Variants in DCHS2 observed in about 807,000 individuals in gnomAD.
DCHS2 encodes the protein dachsous cadherin-related 2.
Under a neutral mutation model 182.4 loss-of-function variants are expected in DCHS2, and 142 were observed. The ratio of observed to expected loss-of-function variants is 0.78; its 90% CI spans 0.68 to 0.89. The LOEUF is 0.89. Ranked by LOEUF, DCHS2 falls within the 40% of genes least tolerant of loss-of-function variation. The pLI is 0.00. For synonymous variants in DCHS2, 1,740 were observed against 1,663.3 expected, an observed-to-expected ratio of 1.05 and a Z score of -1.12; for missense variants, 4,319 against 4,198.6, an observed-to-expected ratio of 1.03 and a Z score of -0.79.
chr4:154,451,492 TGA>T (rs1216981120), intron 1 of DCHS2, among the ~76,000 whole-genome samples: 3 of 152,172 alleles, frequency 2.0e-5, no homozygotes, highest in Non-Finnish European at 2.9e-5. Context: ...GTAAGTTACA[TGA>T]GGAAGTGGCC....
At chr4:154,467,002 A>G (rs992310391) in intron 1 of DCHS2, among the ~76,000 whole-genome samples, 14 of 152,218 alleles carry the variant, frequency 9.2e-5, no homozygotes, top group Admixed American at 2.6e-4. Context: ...CTTTCTCAGC[A>G]TCTGGTACAG....
intron 1 of DCHS2, among the ~76,000 whole-genome samples, chr4:154,450,804 A>G (rs1421401789): frequency 1.3e-5 from 2 of 152,136 alleles, no homozygotes; most frequent in African/African-American, 4.8e-5. Context: ...CCTGGGCAAC[A>G]AGAGTGAAAC....
rs1728706536 is a variant in DCHS2, at chr4:154,489,418, G to A, written c.1938C>T (p.Thr646=). 1 of 1,551,672 alleles carries A rather than the reference G, an allele frequency of 6.4e-7. No individual in the cohort carries two copies. The highest frequency in any genetic ancestry group is 2.0e-5 in the Admixed American group (1 of 50,994). ...QDLGEPPLSA[T]CLVSITVDDV... ...CATCTACGGTGATGCTCACCAGGCA[G>A]GTGGCAGAGAGTGGGGGCTCTCCGA... The change falls in exon 1 of 20, where the codon ACC becomes ACT. Residue 646 remains threonine (T), a synonymous_variant. Transcript: ENST00000357232.
chr4:154,302,935 A>G (rs1298235313), intron 12 of DCHS2, among the ~76,000 whole-genome samples: 4 of 38,282 alleles, frequency 1.0e-4, no homozygotes, highest in Admixed American at 3.6e-4. Flanking sequence ...AGATATACGT[A>G]TACACACACA....
intron 3 of DCHS2, chr4:154,357,098 A>C (rs1435210851): frequency 3.8e-5 from 24 of 637,962 alleles, no homozygotes; most frequent in Non-Finnish European, 6.2e-5. Flanking sequence ...AAAATAATCT[A>C]ACATCAACGA....
At chr4:154,463,332 C>T (rs1029107062) in intron 1 of DCHS2, among the ~76,000 whole-genome samples, 1 of 151,628 alleles carries the variant, frequency 6.6e-6, no homozygotes, top group African/African-American at 2.4e-5. Flanking sequence ...AGGCTTTTTT[C>T]CCCCAATATA....
intron 3 of DCHS2, among the ~76,000 whole-genome samples, chr4:154,337,184 A>G (rs1346282074): frequency 6.6e-6 from 1 of 152,212 alleles, no homozygotes; most frequent in East Asian, 1.9e-4. Flanking sequence ...TGATTGATTG[A>G]AAAATAAAAC....
At chr4:154,282,140 AC>A (rs1734175826) in intron 13 of DCHS2, among the ~76,000 whole-genome samples, 1 of 152,128 alleles carries the variant, frequency 6.6e-6, no homozygotes. Flanking sequence ...TGGATATAAG[AC>A]CAAAAGCATA....
At chr4:154,304,507 T>A (rs1315786090) in intron 12 of DCHS2, among the ~76,000 whole-genome samples, 162 bp downstream of exon 12, 3 of 151,994 alleles carry the variant, frequency 2.0e-5, no homozygotes, top group Non-Finnish European at 4.4e-5. Context: ...AATTTTAATT[T>A]AAAAATACTT....
chr4:154,377,691 G>A (rs1383881806), intron 1 of DCHS2, among the ~76,000 whole-genome samples: 1 of 152,006 alleles, frequency 6.6e-6, no homozygotes, highest in Non-Finnish European at 1.5e-5. Context: ...GATGATCTCT[G>A]AAAGTTTGAG....
rs1215106650 is a variant in DCHS2, at chr4:154,424,225, A to G, written c.2053-46781T>C. ...GAAAATCAAAGAATTCAAGAAAAAGAAAAAGTAAATCAGATCCTAAACTAC... is the reference window on the plus strand; with the variant it reads ...GAAAATCAAAGAATTCAAGAAAAAGGAAAAGTAAATCAGATCCTAAACTAC... On this transcript the variant is annotated intron_variant, in intron 1 of 19. Coordinates refer to ENST00000357232, the MANE Select transcript of DCHS2 (RefSeq NM_001358235.2). 2.6e-5 allele frequency among the ~76,000 whole-genome samples: 4 copies of G among 152,230 alleles called. No homozygotes were observed. In the East Asian group the frequency reaches 7.7e-4, roughly 29 times the overall value.
At position 154,466,265 on chromosome 4, in the gene DCHS2, G is replaced by T. The variant is rs554585796; in HGVS notation, c.2052+23039C>A. Among the ~76,000 whole-genome samples the T allele has an allele frequency of 6.6e-5, 10 of 152,142 alleles. 1 individual carries two copies. Among genetic ancestry groups the T allele is most frequent in the Admixed American group, 3.9e-4 (6 of 15,270 alleles). ...ATTCTTACAATTACCCAGTTTAGAG[G>T]CTGAGAGAAGACAGAAGACTCCTGG... On this transcript the variant is annotated intron_variant, in intron 1 of 19. Transcript: ENST00000357232.
Position 154,491,586 on chromosome 4 carries a change from G to A in DCHS2, c.-231C>T. 7.4e-7 allele frequency: 1 copy of A among 1,342,854 alleles called. No individual in the cohort carries two copies. Among genetic ancestry groups the A allele is most frequent in the Non-Finnish European group, 9.5e-7 (1 of 1,054,292 alleles). The allele number at this position is 1,342,854 out of a possible 1,614,324, so 83.2% of individuals were successfully genotyped here. On this transcript the variant is annotated 5_prime_UTR_variant, in exon 1 of 20. Coordinates refer to ENST00000357232, the MANE Select transcript of DCHS2 (RefSeq NM_001358235.2). Reference sequence around the variant, plus strand: ...AGCTCTAGCTGCCTCTGCCGCGGCAGCCACCTCTTCTGCCCCTGGATTTCT... The same window carrying A: ...AGCTCTAGCTGCCTCTGCCGCGGCAACCACCTCTTCTGCCCCTGGATTTCT...
chr4:154,424,350 G>A (rs904465772), intron 1 of DCHS2, among the ~76,000 whole-genome samples: 1 of 152,174 alleles, frequency 6.6e-6, no homozygotes, highest in Non-Finnish European at 1.5e-5. Flanking sequence ...AAGCAAATGT[G>A]TGTACTCTCT....
chr4:154,365,080 C>T (rs1031647536), intron 3 of DCHS2, among the ~76,000 whole-genome samples: 1 of 151,944 alleles, frequency 6.6e-6, no homozygotes, highest in African/African-American at 2.4e-5. Flanking sequence ...TGGAAGGTAA[C>T]TTCTTAAATA....
chr4:154,457,618 T>C (rs185177719), intron 1 of DCHS2, among the ~76,000 whole-genome samples: 103 of 152,308 alleles, frequency 6.8e-4, no homozygotes, highest in Non-Finnish European at 1.1e-3. Flanking sequence ...AGCAGTAGTG[T>C]TGACGATTTT....
chr4:154,300,454 G>A (rs554207819), intron 12 of DCHS2, among the ~76,000 whole-genome samples: 7 of 145,610 alleles, frequency 4.8e-5, no homozygotes, highest in Non-Finnish European at 1.0e-4. Context: ...CGGGAGGATT[G>A]CTTGAGTCCA....
chr4:154,321,056 T>C lies in DCHS2; in HGVS notation c.4343A>G (p.Lys1448Arg). Residue 1448 changes from lysine to arginine, a missense_variant, in exon 9 of 20, where the codon AAG becomes AGG. Physicochemically the swap from Lys to Arg is conservative, Grantham distance 26. Transcript: ENST00000357232. ...KLHFSIVADD[K>R]DGHFEIDSST... ...GCTGTCTATTTCAAAGTGTCCATCC[T>C]TATCATCTGCAACAATACTAAAATG... 1 of 1,611,770 alleles carries C rather than the reference T, an allele frequency of 6.2e-7. No homozygotes were observed. Among genetic ancestry groups the C allele is most frequent in the Non-Finnish European group, 8.5e-7 (1 of 1,178,118 alleles).
intron 1 of DCHS2, among the ~76,000 whole-genome samples, chr4:154,438,222 G>A (rs959885458): frequency 6.6e-6 from 1 of 152,158 alleles, no homozygotes; most frequent in Non-Finnish European, 1.5e-5. Flanking sequence ...ATGGTGAAAA[G>A]TGCAAAGGAG....
Sources: gnomAD v4.1 joint callset for allele counts (sites outside exome capture counted in the v4.1 genomes callset) on GRCh38, gnomAD v4.1.1 for gene constraint, MANE v1.5 for transcripts, NCBI Gene and HGNC (gene_info 2026-07-23, HGNC 2026-07-21) for gene names.